CTSD: variants seen among roughly 807,000 people sequenced by gnomAD.
The protein encoded by CTSD is ceroid-lipofuscinosis, neuronal 10.
CTSD carries 28 observed loss-of-function variants against 43.6 expected under a neutral mutation model. The observed-to-expected ratio is 0.64, with a 90% CI of 0.48 to 0.88. CTSD has a LOEUF of 0.88. Among genes scored for constraint, CTSD ranks in the 40% least tolerant of loss-of-function variants. The pLI, the probability that CTSD is intolerant of heterozygous loss-of-function variation, is 0.00. For missense variants in CTSD, 485 were observed against 555.2 expected, an observed-to-expected ratio of 0.87 and a Z score of 1.27; for synonymous variants, 270 against 249.8, an observed-to-expected ratio of 1.08 and a Z score of -0.76.
intron 4 of CTSD, 87 bp downstream of exon 4, chr11:1,758,882 G>A: frequency 2.0e-6 from 2 of 986,026 alleles, no homozygotes; most frequent in South Asian, 1.3e-5. Flanking sequence ...GGATCACCGA[G>A]CCCTCCCTTT....
intron 5 of CTSD, among the ~76,000 whole-genome samples, chr11:1,756,672 G>C (rs1460001418): frequency 6.6e-6 from 1 of 152,040 alleles, no homozygotes; most frequent in Non-Finnish European, 1.5e-5. Flanking sequence ...CCGAGAAGAG[G>C]AAACTAACTG....
At chr11:1,755,709 T>A (rs1845801021) in intron 5 of CTSD, among the ~76,000 whole-genome samples, 1 of 152,182 alleles carries the variant, frequency 6.6e-6, no homozygotes, top group African/African-American at 2.4e-5. Context: ...GGGGCGGTTC[T>A]GCCATCCCGC....
intron 4 of CTSD, among the ~76,000 whole-genome samples, chr11:1,758,736 C>T (rs1845838761): frequency 6.6e-6 from 1 of 152,172 alleles, no homozygotes; most frequent in Admixed American, 6.5e-5. Flanking sequence ...TCATTGTGGC[C>T]TGACTCCGGG....
chr11:1,759,363 A>T (rs1836445255), intron 3 of CTSD, among the ~76,000 whole-genome samples, 153 bp downstream of exon 3: 1 of 152,344 alleles, frequency 6.6e-6, no homozygotes, highest in Admixed American at 6.5e-5. Flanking sequence ...GTTCACCCAG[A>T]AAGTCAGTGG....
chr11:1,763,313 A>G (rs970816030), intron 1 of CTSD, among the ~76,000 whole-genome samples: 1 of 152,170 alleles, frequency 6.6e-6, no homozygotes. Flanking sequence ...AGGGCCTGTG[A>G]TAAGAGCCGC....
chr11:1,761,590 A>T (rs1590908887), intron 1 of CTSD, 122 bp from the exon 2 acceptor site: 2 of 1,059,660 alleles, frequency 1.9e-6, no homozygotes. Flanking sequence ...CCAAAACCAA[A>T]CTCCTGCCTG....
At chr11:1,756,430 A>C (rs777928151) in intron 5 of CTSD, among the ~76,000 whole-genome samples, 2 of 152,274 alleles carry the variant, frequency 1.3e-5, no homozygotes, top group Middle Eastern at 6.8e-3. Context: ...CCAGCCCTAC[A>C]GCCGGAATTC....
chr11:1,762,552 A>G (rs1047329558), intron 1 of CTSD: 2 of 152,218 alleles, frequency 1.3e-5, no homozygotes, highest in African/African-American at 4.8e-5. Flanking sequence ...ATTATTGCCT[A>G]AGAGCTGGTG....
At chr11:1,762,496 A>G (rs1845892852) in intron 1 of CTSD, 1 of 152,240 alleles carries the variant, frequency 6.6e-6, no homozygotes, top group African/African-American at 2.4e-5. Context: ...ACAAGGTCAT[A>G]GCTGGCTTTT....
At chr11:1,754,334 C>T (rs971935995) in intron 6 of CTSD, 196 bp from the exon 7 acceptor site, 22 of 481,372 alleles carry the variant, frequency 4.6e-5, no homozygotes, top group African/African-American at 4.0e-4. Context: ...GGGTGGGAGA[C>T]CCTCAGGTGG....
intron 5 of CTSD, 103 bp from the exon 6 acceptor site, chr11:1,755,131 G>A (rs1845794717): frequency 7.2e-7 from 1 of 1,390,814 alleles, no homozygotes; most frequent in African/African-American, 1.4e-5. Context: ...AGAGCTTCCT[G>A]AAGGAGGGGC....
Position 1,753,054 on chromosome 11 carries a change from C to G in CTSD, c.*449G>C, listed in dbSNP as rs1487343618. 3.4e-6 allele frequency: 1 copy of G among 294,164 alleles called. No individual in the cohort carries two copies. Among genetic ancestry groups the G allele is most frequent in the Non-Finnish European group, 6.7e-6 (1 of 149,840 alleles). The allele number at this position is 294,164 out of a possible 1,614,324, so 18.2% of individuals were successfully genotyped here. On this transcript the variant is annotated 3_prime_UTR_variant, in exon 9 of 9. Coordinates refer to ENST00000236671, the MANE Select transcript of CTSD (RefSeq NM_001909.5). ...GTAGGGTGGCAGAGCCCAGCTGGGC[C>G]CAAGCTGGGCAGAGGGGCCCTCAGG...
chr11:1,754,738 G>T (rs185374670), intron 6 of CTSD, among the ~76,000 whole-genome samples, 168 bp downstream of exon 6: 18 of 149,290 alleles, frequency 1.2e-4, no homozygotes, highest in Non-Finnish European at 9.0e-5. Context: ...GGGGAGCATG[G>T]AGGGGCAAGG....
chr11:1,757,945 C>T (rs539242434), intron 4 of CTSD: 6 of 325,426 alleles, frequency 1.8e-5, no homozygotes, highest in South Asian at 1.6e-4. Flanking sequence ...GGGAACCTGC[C>T]GACCCCATCC....
In CTSD at chr11:1,754,998, C is replaced by T; in HGVS notation, c.735G>A (p.Leu245=). 1.9e-6 allele frequency: 3 copies of T among 1,613,954 alleles called. No homozygotes were observed. The South Asian group carries it at 3.3e-5, about 18-fold the overall frequency. ...ACTTGGAGTCTGTGCCACCCAGCAT[C>T]AGCTCACCCCCAGGCTGCGCATCTG... ...RDPDAQPGGE[L]MLGGTDSKYY... The change falls in exon 6 of 9, where the codon CTG becomes CTA. Residue 245 remains leucine, a synonymous_variant. Coordinates refer to ENST00000236671, the MANE Select transcript of CTSD (RefSeq NM_001909.5).
intron 5 of CTSD, among the ~76,000 whole-genome samples, chr11:1,756,946 G>A (rs55877559): frequency 0.063 from 9,544 of 152,206 alleles, 345 homozygotes; most frequent in Middle Eastern, 0.12. Context: ...CAGCAACCCC[G>A]GGACCAGGAC....
chr11:1,754,537 ATGGAGGG>A (rs1845781219), intron 6 of CTSD, among the ~76,000 whole-genome samples: 4 of 63,872 alleles, frequency 6.3e-5, no homozygotes, highest in Admixed American at 5.3e-4. Flanking sequence ...GGATGGAGGG[ATGGAGGG>A]ATGGAGGGGA....
At chr11:1,754,736 T>C (rs1845788568) in intron 6 of CTSD, among the ~76,000 whole-genome samples, 170 bp downstream of exon 6, 2 of 144,762 alleles carry the variant, frequency 1.4e-5, no homozygotes, top group Non-Finnish European at 3.0e-5. Context: ...ATGGGGAGCA[T>C]GGAGGGGCAA....
rs1845823066 is a variant in CTSD, at chr11:1,757,416, G to A, written c.612C>T (p.Pro204=). ...GCAGCACGTTGTTGACGGAGATGCGGGGGTAGGCCATGCCCAGGATGCCAT... is the reference window on the plus strand; with the variant it reads ...GCAGCACGTTGTTGACGGAGATGCGAGGGTAGGCCATGCCCAGGATGCCAT... The part of the protein sequence containing the change: ...KFDGILGMAY[P]RISVNNVLPV... Residue 204 remains proline, a synonymous_variant, in exon 5 of 9, where the codon CCC becomes CCT. Coordinates refer to ENST00000236671, the MANE Select transcript of CTSD (RefSeq NM_001909.5). 1.9e-6 allele frequency: 3 copies of A among 1,614,170 alleles called. No homozygotes were observed. Among genetic ancestry groups the A allele is most frequent in the Non-Finnish European group, 2.5e-6 (3 of 1,180,040 alleles).
Sources: gnomAD v4.1 joint callset for allele counts (sites outside exome capture counted in the v4.1 genomes callset) on GRCh38, gnomAD v4.1.1 for gene constraint, MANE v1.5 for transcripts, NCBI Gene and HGNC (gene_info 2026-07-23, HGNC 2026-07-21) for gene names.